The following COX7B2 variants were observed in gnomAD, a reference collection of about 807,000 sequenced individuals.
COX7B2 encodes cytochrome c oxidase subunit 7B2, also known as cytochrome c oxidase subunit 7B2, mitochondrial.
For missense variants in COX7B2, 109 were observed against 95.9 expected (o/e 1.14, Z -0.57); for synonymous variants, 37 against 32.1 (o/e 1.15, Z -0.51).
At chr4:46,766,661 A>T (rs938375086) in intron 2 of COX7B2, among the ~76,000 whole-genome samples, 1 of 150,370 alleles carries the variant, frequency 6.7e-6, no homozygotes, top group Non-Finnish European at 1.5e-5. Flanking sequence ...AGATTATGCC[A>T]CTGCACTCCA....
chr4:46,784,501 TGTAATTC>T (rs1240903445), intron 2 of COX7B2, among the ~76,000 whole-genome samples: 4 of 152,152 alleles, frequency 2.6e-5, no homozygotes, highest in Non-Finnish European at 4.4e-5. Context: ...GGCGCATGCC[TGTAATTC>T]CAGCTACTCA....
chr4:46,889,218 T>A (rs982468942), intron 1 of COX7B2, among the ~76,000 whole-genome samples: 2 of 152,234 alleles, frequency 1.3e-5, no homozygotes, highest in African/African-American at 2.4e-5. Context: ...ATGGTTCTCA[T>A]ATTTCCTCCT....
chr4:46,759,750 G>A (rs1716017903), intron 2 of COX7B2, among the ~76,000 whole-genome samples: 1 of 151,458 alleles, frequency 6.6e-6, no homozygotes, highest in Non-Finnish European at 1.5e-5. Flanking sequence ...ACGCTTGTTA[G>A]GAAAAGTGTT....
At chr4:46,893,415 T>C (rs534418121) in intron 1 of COX7B2, among the ~76,000 whole-genome samples, 1 of 152,308 alleles carries the variant, frequency 6.6e-6, no homozygotes, top group Non-Finnish European at 1.5e-5. Flanking sequence ...AAAATATCCA[T>C]TTGCACTAGC....
At chr4:46,846,830 A>G (rs1334479274) in intron 1 of COX7B2, among the ~76,000 whole-genome samples, 1 of 152,064 alleles carries the variant, frequency 6.6e-6, no homozygotes, top group Non-Finnish European at 1.5e-5. Flanking sequence ...AGATGTGGGT[A>G]TGAAGAATGT....
intron 1 of COX7B2, among the ~76,000 whole-genome samples, chr4:46,897,625 A>C (rs1008063215): frequency 4.6e-5 from 7 of 152,122 alleles, no homozygotes; most frequent in African/African-American, 1.7e-4. Context: ...ACGGCTGTCA[A>C]CTCAGCACTG....
At chr4:46,868,531 C>A (rs1462339546) in intron 1 of COX7B2, among the ~76,000 whole-genome samples, 1 of 152,154 alleles carries the variant, frequency 6.6e-6, no homozygotes, top group African/African-American at 2.4e-5. Flanking sequence ...CCCCTTAACA[C>A]TGACTTAGCT....
intron 2 of COX7B2, among the ~76,000 whole-genome samples, chr4:46,841,070 G>A (rs929590928): frequency 6.6e-6 from 1 of 151,904 alleles, no homozygotes; most frequent in Admixed American, 6.6e-5. Context: ...ACAATGGCAG[G>A]CAGTGAGAAA....
At chr4:46,895,941 C>T (rs564630534) in intron 1 of COX7B2, among the ~76,000 whole-genome samples, 1 of 152,124 alleles carries the variant, frequency 6.6e-6, no homozygotes, top group African/African-American at 2.4e-5. Flanking sequence ...ATCAGTTAAA[C>T]CTCAGTGTGA....
At chr4:46,875,716 T>A (rs1477964288) in intron 1 of COX7B2, among the ~76,000 whole-genome samples, 1 of 151,928 alleles carries the variant, frequency 6.6e-6, no homozygotes, top group African/African-American at 2.4e-5. Context: ...TCTGCTTCCA[T>A]CAGGACACAT....
chr4:46,744,738 A>ATTTTTTTTTT (rs773481406), intron 2 of COX7B2, among the ~76,000 whole-genome samples: 3 of 124,658 alleles, frequency 2.4e-5, no homozygotes, highest in Non-Finnish European at 5.0e-5. Context: ...AGATATTTTA[A>ATTTTTTTTTT]TTTTTTTTTT....
At chr4:46,777,250 T>A (rs767977584) in intron 2 of COX7B2, among the ~76,000 whole-genome samples, 10 of 152,040 alleles carry the variant, frequency 6.6e-5, no homozygotes, top group Admixed American at 3.9e-4. Flanking sequence ...AAGGCCTGAA[T>A]GAAATGCTTT....
At chr4:46,812,642 G>A (rs1577595451) in intron 2 of COX7B2, among the ~76,000 whole-genome samples, 1 of 152,262 alleles carries the variant, frequency 6.6e-6, no homozygotes, top group South Asian at 2.1e-4. Context: ...CCAGAAGAGG[G>A]GGGATGTCTT....
At chr4:46,817,451 T>C (rs1174711371) in intron 2 of COX7B2, among the ~76,000 whole-genome samples, 1 of 152,182 alleles carries the variant, frequency 6.6e-6, no homozygotes, top group Admixed American at 6.5e-5. Context: ...AGGCTCTCCA[T>C]TATAACATGC....
intron 2 of COX7B2, among the ~76,000 whole-genome samples, chr4:46,742,366 T>A (rs1332867489): frequency 6.6e-6 from 1 of 152,110 alleles, no homozygotes; most frequent in Non-Finnish European, 1.5e-5. Flanking sequence ...GAAATGCACA[T>A]AACCTGCAGT....
At chr4:46,890,440 T>G (rs1364631199) in intron 1 of COX7B2, among the ~76,000 whole-genome samples, 1 of 152,312 alleles carries the variant, frequency 6.6e-6, no homozygotes, top group Non-Finnish European at 1.5e-5. Flanking sequence ...ACTACTCAGT[T>G]CCTATGCCAA....
chr4:46,826,311 A>G (rs565415973), intron 2 of COX7B2, among the ~76,000 whole-genome samples: 1 of 152,322 alleles, frequency 6.6e-6, no homozygotes, highest in East Asian at 1.9e-4. Flanking sequence ...AATCAAAAGC[A>G]CAATGAGATA....
intron 2 of COX7B2, among the ~76,000 whole-genome samples, chr4:46,756,158 C>G (rs1409766866): frequency 6.6e-6 from 1 of 152,002 alleles, no homozygotes; most frequent in Non-Finnish European, 1.5e-5. Flanking sequence ...AATAAAGCCA[C>G]TTGTCTACAA....
chr4:46,875,675 A>C (rs1718274752), intron 1 of COX7B2, among the ~76,000 whole-genome samples: 1 of 151,952 alleles, frequency 6.6e-6, no homozygotes, highest in African/African-American at 2.4e-5. Flanking sequence ...TTTAGTTATC[A>C]ATCTAACGTC....
Sources: gnomAD v4.1 joint callset for allele counts (sites outside exome capture counted in the v4.1 genomes callset) on GRCh38, gnomAD v4.1.1 for gene constraint, MANE v1.5 for transcripts, NCBI Gene and HGNC (gene_info 2026-07-23, HGNC 2026-07-21) for gene names.